Variants in DDX50 observed in about 807,000 individuals in gnomAD.
DDX50 encodes the protein DExD-box helicase 50.
Under a neutral mutation model 94.8 loss-of-function variants are expected in DDX50, and 56 were observed. The observed-to-expected ratio is 0.59, with a 90% CI of 0.48 to 0.74. The LOEUF (loss-of-function observed/expected upper bound fraction) is 0.74. Ranked by LOEUF, DDX50 falls within the 30% of genes least tolerant of loss-of-function variation. The pLI is 0.00. For synonymous variants in DDX50, 264 were observed against 295.4 expected (o/e 0.89, Z 1.09); for missense variants, 713 against 881.2 (o/e 0.81, Z 2.42).
chr10:68,933,515 T>C (rs1842326069), intron 8 of DDX50, among the ~76,000 whole-genome samples: 1 of 152,178 alleles, frequency 6.6e-6, no homozygotes, highest in East Asian at 1.9e-4. Flanking sequence ...TCTATAGATG[T>C]GGATAGCTAA....
chr10:68,946,283 T>C (rs1842668724), intron 14 of DDX50, 69 bp from the exon 15 acceptor site: 1 of 1,513,542 alleles, frequency 6.6e-7, no homozygotes, highest in Non-Finnish European at 8.9e-7. Context: ...AGGTGTCTTC[T>C]TGTACTTAAC....
chr10:68,931,626 G>T (rs950219196), intron 8 of DDX50, among the ~76,000 whole-genome samples: 6 of 150,754 alleles, frequency 4.0e-5, no homozygotes, highest in African/African-American at 1.5e-4. Flanking sequence ...TAGAGACGGG[G>T]TCTCACCATG....
intron 8 of DDX50, among the ~76,000 whole-genome samples, chr10:68,933,154 C>T (rs1345138296): frequency 6.6e-6 from 1 of 151,866 alleles, no homozygotes; most frequent in East Asian, 1.9e-4. Context: ...CTGCAACCTC[C>T]ACCTCCCGGG....
At chr10:68,922,433 T>G (rs912652717) in intron 8 of DDX50, among the ~76,000 whole-genome samples, 1 of 152,162 alleles carries the variant, frequency 6.6e-6, no homozygotes, top group African/African-American at 2.4e-5. Context: ...ACTTCTTTCT[T>G]GAGTTATTTT....
intron 8 of DDX50, among the ~76,000 whole-genome samples, chr10:68,929,880 G>A (rs1303189093): frequency 6.6e-6 from 1 of 151,282 alleles, no homozygotes; most frequent in African/African-American, 2.4e-5. Context: ...TTACAGGTGT[G>A]CAACACCATA....
intron 1 of DDX50, among the ~76,000 whole-genome samples, chr10:68,901,708 C>T (rs1841292711): frequency 6.6e-6 from 1 of 152,222 alleles, no homozygotes; most frequent in Admixed American, 6.5e-5. Flanking sequence ...CTCAGCCCTT[C>T]CCGTTGGCGC....
At position 68,931,590 on chromosome 10, in the gene DDX50, G is replaced by A. The variant is rs375989607; in HGVS notation, c.1240-2609G>A. Among the ~76,000 whole-genome samples, 11 of 150,792 alleles carry A rather than the reference G, an allele frequency of 7.3e-5. No homozygotes were observed. In the South Asian group the frequency reaches 1.1e-3, roughly 14 times the overall value. The stretch of plus-strand genomic sequence containing the variant: ...CAAGTAGCTAGGATTACAGGCGCCC[G>A]CCACCACACCCGGCTACTTTTTTAG... On this transcript the variant is annotated intron_variant, in intron 8 of 14. Transcript: ENST00000373585.
In DDX50 at chr10:68,946,474, ATCAGGCCGG is replaced by A. The variant is rs751847498; in HGVS notation, c.2073_2081del (p.Arg692_Gly694del). 5.0e-5 allele frequency: 80 copies of A among 1,613,926 alleles called. No homozygotes were observed. The highest frequency in any genetic ancestry group is 3.7e-4 in the South Asian group (34 of 91,090). ...AGAGGAGTGGCTGGTCAAGTGGTCG[ATCAGGCCGG>A]TCAGGCCGGTCAGGTGGTCGATCTG... On this transcript the variant is annotated inframe_deletion, in exon 15 of 15. Transcript: ENST00000373585.
At position 68,911,244 on chromosome 10, in the gene DDX50, A is replaced by G. The variant is rs1841618920; in HGVS notation, c.637A>G (p.Lys213Glu). 3 of 1,593,952 alleles carry G rather than the reference A, an allele frequency of 1.9e-6. No individual in the cohort carries two copies. Among genetic ancestry groups the G allele is most frequent in the Non-Finnish European group, 1.7e-6 (2 of 1,173,970 alleles). ...QETIKKSRSPKVLVLAPTREL... is the reference protein window; with the variant it reads ...QETIKKSRSPEVLVLAPTREL... Reference sequence around the variant, plus strand: ...AACAATTAAAAAAAGCCGCTCACCAAAGGTAATCGTTATAGGGGGTAAAAG... The same window carrying G: ...AACAATTAAAAAAAGCCGCTCACCAGAGGTAATCGTTATAGGGGGTAAAAG... Residue 213 changes from lysine to glutamate, a missense_variant and splice_region_variant, in exon 4 of 15, where the codon AAG (lysine) becomes GAG (glutamate). Coordinates refer to ENST00000373585, the MANE Select transcript of DDX50 (RefSeq NM_024045.2).
Position 68,920,906 on chromosome 10 carries a change from C to T in DDX50, c.1239+925C>T, listed in dbSNP as rs1841921906. The stretch of plus-strand genomic sequence containing the variant: ...GATGTAGCGGGGAGCTGAGATTGTG[C>T]CACTACACTCCAGCCTGGATGACAG... On this transcript the variant is annotated intron_variant, in intron 8 of 14. Transcript: ENST00000373585. Among the ~76,000 whole-genome samples the T allele has an allele frequency of 5.6e-5, 8 of 142,622 alleles. 1 individual carries two copies. The highest frequency in any genetic ancestry group is 3.7e-3 in the Middle Eastern group (1 of 268). 93.6% of individuals were successfully genotyped at this position (142,622 alleles called of 152,430 possible). A position where few individuals can be genotyped will look rare whatever the true frequency, so the allele number is the denominator to read the frequency against.
At chr10:68,915,143 G>T (rs1189877993) in intron 7 of DDX50, among the ~76,000 whole-genome samples, 1 of 152,192 alleles carries the variant, frequency 6.6e-6, no homozygotes, top group Non-Finnish European at 1.5e-5. Context: ...GCCGGGCGTG[G>T]TGGCTTACGC....
chr10:68,943,190 G>T, intron 13 of DDX50, 23 bp from the exon 14 acceptor site: 1 of 1,601,206 alleles, frequency 6.2e-7, no homozygotes, highest in South Asian at 1.1e-5. Flanking sequence ...AATTTAAAAT[G>T]TTTTGCTTTG....
chr10:68,918,976 A>G (rs1003712991), intron 7 of DDX50, among the ~76,000 whole-genome samples: 2 of 152,142 alleles, frequency 1.3e-5, no homozygotes, highest in African/African-American at 2.4e-5. Context: ...ATGTTTAGAT[A>G]TGTTTAGAGA....
At chr10:68,939,674 T>C (rs374594872) in intron 12 of DDX50, among the ~76,000 whole-genome samples, 22 of 152,310 alleles carry the variant, frequency 1.4e-4, no homozygotes, top group African/African-American at 5.1e-4. Flanking sequence ...CTTCCTCCTT[T>C]ACTTCATTCT....
rs1306220193 is a variant in DDX50, at chr10:68,901,338, A to G, written c.-47A>G. 121 of 1,477,860 alleles carry G rather than the reference A, an allele frequency of 8.2e-5. No homozygotes were observed. Among genetic ancestry groups the G allele is most frequent in the Non-Finnish European group, 1.1e-4 (116 of 1,102,234 alleles). 91.5% of individuals were successfully genotyped at this position (1,477,860 alleles called of 1,614,324 possible). On this transcript the variant is annotated 5_prime_UTR_variant, in exon 1 of 15. Transcript: ENST00000373585. ...TTCCTTTCACGCTGTCGCTGCCCGT[A>G]GGTGGTTGTGGCCACTGTGCCCGGA...
At chr10:68,944,934 T>C (rs1158952048) in intron 14 of DDX50, among the ~76,000 whole-genome samples, 1 of 152,098 alleles carries the variant, frequency 6.6e-6, no homozygotes, top group Non-Finnish European at 1.5e-5. Flanking sequence ...CCTCCCAAAG[T>C]ATTGGGTTCA....
In DDX50 at chr10:68,934,229, C is replaced by T; in HGVS notation, c.1270C>T (p.Gln424Ter). 1 of 1,611,968 alleles carries T rather than the reference C, an allele frequency of 6.2e-7. No homozygotes were observed. Among genetic ancestry groups the T allele is most frequent in the Non-Finnish European group, 8.5e-7 (1 of 1,179,796 alleles). The change falls in exon 9 of 15, where the codon CAG (glutamine) becomes TAG (stop). Residue 424 changes from glutamine to a stop codon, truncating the protein, a stop_gained. Transcript: ENST00000373585. LOFTEE classifies it high-confidence loss of function. The surrounding 1 kb of genome is among the most constrained non-coding windows in gnomAD (Gnocchi z 4.0). Reference sequence around the variant, plus strand: ...CCAGTGTTTACATGGGGACATTGCACAGTCACAAAGAGAAATTACACTAAA... The same window carrying T: ...CCAGTGTTTACATGGGGACATTGCATAGTCACAAAGAGAAATTACACTAAA... ...NAQCLHGDIA[Q>*]SQREITLKGF...
At chr10:68,942,667 G>A (rs1842580121) in intron 13 of DDX50, among the ~76,000 whole-genome samples, 1 of 151,476 alleles carries the variant, frequency 6.6e-6, no homozygotes, top group Admixed American at 6.6e-5. Flanking sequence ...AGGCTGGAGT[G>A]CAGTGGCGTG....
At chr10:68,941,267 G>T (rs548404907) in intron 13 of DDX50, 73 bp downstream of exon 13, 1,112 of 1,569,296 alleles carry the variant, frequency 7.1e-4, no homozygotes, top group Non-Finnish European at 9.2e-4. Flanking sequence ...AGCAAATTTT[G>T]TTCTTTCTCT....
Sources: gnomAD v4.1 joint callset for allele counts (sites outside exome capture counted in the v4.1 genomes callset) on GRCh38, gnomAD v4.1.1 for gene constraint, Gnocchi (gnomAD v3.1) non-coding constraint, MANE v1.5 for transcripts, NCBI Gene and HGNC (gene_info 2026-07-23, HGNC 2026-07-21) for gene names.